MBD5: variants seen among roughly 807,000 people sequenced by gnomAD.
MBD5 encodes the protein methyl-CpG-binding domain protein 5.
MBD5 carries 13 observed loss-of-function variants against 117.3 expected under a neutral mutation model. The ratio of observed to expected loss-of-function variants is 0.11; its 90% CI spans 0.07 to 0.18. The LOEUF (loss-of-function observed/expected upper bound fraction) is 0.18. Ranked by LOEUF, MBD5 falls within the 10% of genes least tolerant of loss-of-function variation. MBD5 has a pLI of 1.00. For missense variants in MBD5, 1,879 were observed against 2,093.8 expected (o/e 0.90, Z 2.00); for synonymous variants, 727 against 766.4 (o/e 0.95, Z 0.85).
chr2:148,393,386 A>T (rs1302428210), intron 4 of MBD5: 2 of 152,184 alleles, frequency 1.3e-5, no homozygotes, highest in Non-Finnish European at 2.9e-5. Flanking sequence ...GAAAGTAAAC[A>T]GTATATTACC....
chr2:148,066,995 TC>T (rs1451390274), intron 1 of MBD5, among the ~76,000 whole-genome samples: 1 of 152,176 alleles, frequency 6.6e-6, no homozygotes, highest in East Asian at 1.9e-4. Flanking sequence ...AAAGTGATGT[TC>T]CCAGTACCTA....
intron 4 of MBD5, among the ~76,000 whole-genome samples, chr2:148,411,545 C>T (rs1705250985): frequency 1.0e-5 from 1 of 96,808 alleles, no homozygotes; most frequent in Non-Finnish European, 2.0e-5. Flanking sequence ...GTAGTAATTG[C>T]CATTCTGACT....
At chr2:148,316,879 A>G (rs965469918) in intron 3 of MBD5, among the ~76,000 whole-genome samples, 4 of 152,206 alleles carry the variant, frequency 2.6e-5, no homozygotes, top group Non-Finnish European at 5.9e-5. Context: ...CTTTCAGACC[A>G]GGTCAGTTTT....
chr2:148,307,999 C>T (rs748191580), intron 3 of MBD5, among the ~76,000 whole-genome samples: 12 of 152,140 alleles, frequency 7.9e-5, no homozygotes, highest in Non-Finnish European at 1.8e-4. Context: ...GCATAGTATT[C>T]CATGGTGTAT....
At chr2:148,511,752 T>TA (rs1682221313) in intron 13 of MBD5, among the ~76,000 whole-genome samples, 3 of 152,330 alleles carry the variant, frequency 2.0e-5, no homozygotes, top group African/African-American at 7.2e-5. Context: ...ATAGTTGTTT[T>TA]AAAAAATGTG....
chr2:148,021,451 TTGCTGCTGCTGTTGCTGC>T lies in MBD5; in HGVS notation c.-1129_-1112del, dbSNP rs1354964203. 1.8e-4 allele frequency: 103 copies of T among 567,586 alleles called. No individual in the cohort carries two copies. Among genetic ancestry groups the T allele is most frequent in the Middle Eastern group, 4.4e-4 (1 of 2,252 alleles). The allele number at this position is 567,586 out of a possible 1,614,324, so 35.2% of individuals were successfully genotyped here. On this transcript the variant is annotated 5_prime_UTR_variant, in exon 1 of 14. Coordinates refer to ENST00000642680, the MANE Select transcript of MBD5 (RefSeq NM_001378120.1). ...AAAGCCTCTTAGCAACACAGACCCT[TTGCTGCTGCTGTTGCTGC>T]TGCTGCTGCTGTTGCTGCTGCTGCT...
At position 148,021,150 on chromosome 2, in the gene MBD5, G is replaced by C. The variant is rs1325972033; in HGVS notation, c.-1459G>C. 1.3e-5 allele frequency: 2 copies of C among 157,264 alleles called. No homozygotes were observed. Among genetic ancestry groups the C allele is most frequent in the East Asian group, 1.9e-4 (1 of 5,214 alleles). 9.7% of individuals were successfully genotyped at this position (157,264 alleles called of 1,614,324 possible). A position where few individuals can be genotyped will look rare whatever the true frequency, so the allele number is the denominator to read the frequency against. On this transcript the variant is annotated 5_prime_UTR_variant, in exon 1 of 14. Transcript: ENST00000642680. Reference sequence around the variant, plus strand: ...GATGAAGAGAGAGGCAGTGGCAGAGGGGGGGCACCTTTTATTTCTATTTTT... The same window carrying C: ...GATGAAGAGAGAGGCAGTGGCAGAGCGGGGGCACCTTTTATTTCTATTTTT...
At chr2:148,338,736 A>G (rs1254037298) in intron 3 of MBD5, among the ~76,000 whole-genome samples, 1 of 152,196 alleles carries the variant, frequency 6.6e-6, no homozygotes, top group East Asian at 1.9e-4. Context: ...TTACCATGAG[A>G]CATGAGTCAG....
intron 4 of MBD5, among the ~76,000 whole-genome samples, chr2:148,353,799 T>C (rs1441712904): frequency 6.6e-6 from 1 of 152,134 alleles, no homozygotes; most frequent in Non-Finnish European, 1.5e-5. Context: ...CAGGCTGATC[T>C]CAAACTCCTA....
chr2:148,095,980 A>G (rs140520529), intron 1 of MBD5, among the ~76,000 whole-genome samples: 457 of 152,278 alleles, frequency 3.0e-3, no homozygotes, highest in Middle Eastern at 0.014. Flanking sequence ...TTAATTTTTA[A>G]TTTTCTAAGG....
At position 148,348,870 on chromosome 2, in the gene MBD5, A is replaced by G. The variant is rs2105215272; in HGVS notation, c.-557+6534A>G. ...CACAGTTCAGAACTGGTTTGCTTTC[A>G]ATGTACATAACAGCCCCTGGAATAA... On this transcript the variant is annotated intron_variant, in intron 4 of 13. Coordinates refer to ENST00000642680, the MANE Select transcript of MBD5 (RefSeq NM_001378120.1). Among the ~76,000 whole-genome samples the G allele has an allele frequency of 1.3e-5, 2 of 152,034 alleles. 1 individual carries two copies. Among genetic ancestry groups the G allele is most frequent in the South Asian group, 4.1e-4 (2 of 4,826 alleles).
Position 148,468,466 on chromosome 2 carries a change from T to A in MBD5, c.523T>A (p.Ser175Thr), listed in dbSNP as rs1252587550. The change falls in exon 8 of 14, where the codon TCA becomes ACA. Residue 175 changes from serine (S) to threonine (T), a missense_variant. Coordinates refer to ENST00000642680, the MANE Select transcript of MBD5 (RefSeq NM_001378120.1). Reference protein sequence around the residue: ...KNPFKLMIGSSNAMGRLYVQE... With the variant: ...KNPFKLMIGSTNAMGRLYVQE... ...TCCTTTCAAGTTAATGATTGGATCA[T>A]CAAATGCCATGGGAAGGCTATATGT... The A allele has an allele frequency of 1.2e-6, 2 of 1,613,760 alleles. No homozygotes were observed. Among genetic ancestry groups the A allele is most frequent in the East Asian group, 4.5e-5 (2 of 44,872 alleles).
In MBD5 at chr2:148,484,163, T is replaced by C. The variant is rs1240335541; in HGVS notation, c.3544+28T>C. The C allele has an allele frequency of 4.9e-6, 7 of 1,416,460 alleles. No homozygotes were observed. The African/African-American group carries it at 1.0e-4, about 21-fold the overall frequency. 87.7% of individuals were successfully genotyped at this position (1,416,460 alleles called of 1,614,324 possible). On this transcript the variant is annotated intron_variant, in intron 9 of 13. Transcript: ENST00000642680. ...AAGTTAAATTTTTTCACAAATTTTT[T>C]ACAAAAGAAACGTTTTTCTAATTCT... is the stretch of plus-strand genomic sequence containing the variant.
intron 1 of MBD5, among the ~76,000 whole-genome samples, chr2:148,129,595 G>A (rs1016526840): frequency 6.6e-6 from 1 of 152,100 alleles, no homozygotes; most frequent in Non-Finnish European, 1.5e-5. Flanking sequence ...TACAAAGAAG[G>A]TTGTCACTAT....
chr2:148,240,253 A>G (rs1474959079), intron 3 of MBD5, among the ~76,000 whole-genome samples: 2 of 152,174 alleles, frequency 1.3e-5, no homozygotes, highest in African/African-American at 4.8e-5. Flanking sequence ...AACACCACAC[A>G]CTGGGGCCTG....
chr2:148,066,359 T>G (rs1349735909), intron 1 of MBD5, among the ~76,000 whole-genome samples: 1 of 152,206 alleles, frequency 6.6e-6, no homozygotes, highest in Non-Finnish European at 1.5e-5. Flanking sequence ...ATTGTTTTAC[T>G]AGGTAAATAT....
At chr2:148,380,472 T>G (rs557401182) in intron 4 of MBD5, among the ~76,000 whole-genome samples, 2 of 152,280 alleles carry the variant, frequency 1.3e-5, no homozygotes, top group East Asian at 3.9e-4. Context: ...AATTTAAAAA[T>G]TATTACACAT....
intron 4 of MBD5, among the ~76,000 whole-genome samples, chr2:148,389,189 G>A (rs1488525010): frequency 2.3e-4 from 3 of 12,838 alleles, no homozygotes; most frequent in Non-Finnish European, 4.7e-4. Context: ...ATTCCGTGGT[G>A]TGTGTGTGTG....
At chr2:148,045,715 G>C (rs1412400404) in intron 1 of MBD5, among the ~76,000 whole-genome samples, 14 of 152,072 alleles carry the variant, frequency 9.2e-5, no homozygotes, top group Admixed American at 9.2e-4. Context: ...GAGACTAATT[G>C]CTCCAAGATA....
Sources: gnomAD v4.1 joint callset for allele counts (sites outside exome capture counted in the v4.1 genomes callset) on GRCh38, gnomAD v4.1.1 for gene constraint, MANE v1.5 for transcripts, NCBI Gene and HGNC (gene_info 2026-07-23, HGNC 2026-07-21) for gene names.